Variants in PTPRA observed in about 807,000 individuals in gnomAD.
PTPRA encodes protein tyrosine phosphatase receptor type A, also known as receptor-type tyrosine-protein phosphatase alpha.
A neutral mutation model predicts 104.8 loss-of-function variants in PTPRA; 25 were observed. The observed-to-expected ratio is 0.24, with a 90% CI of 0.17 to 0.33. PTPRA has a LOEUF of 0.33. Among genes scored for constraint, PTPRA ranks in the 10% least tolerant of loss-of-function variants. PTPRA has a pLI of 1.00. For synonymous variants in PTPRA, 323 were observed against 368.9 expected, an observed-to-expected ratio of 0.88 and a Z score of 1.43; for missense variants, 765 against 1,015.3, an observed-to-expected ratio of 0.75 and a Z score of 3.35.
intron 1 of PTPRA, among the ~76,000 whole-genome samples, chr20:2,918,034 G>C (rs1291410917): frequency 1.4e-5 from 2 of 146,824 alleles, no homozygotes; most frequent in Non-Finnish European, 1.5e-5. Flanking sequence ...GTTTCAGTGA[G>C]CCGAGATTGC....
At chr20:3,020,174 T>C (rs2064786215) in intron 13 of PTPRA, among the ~76,000 whole-genome samples, 1 of 151,404 alleles carries the variant, frequency 6.6e-6, no homozygotes, top group Non-Finnish European at 1.5e-5. Flanking sequence ...AGTGGTGCCA[T>C]CTCGGCTCAC....
chr20:2,930,806 G>T (rs900281915), intron 2 of PTPRA, among the ~76,000 whole-genome samples: 2 of 152,038 alleles, frequency 1.3e-5, no homozygotes, highest in East Asian at 1.9e-4. Flanking sequence ...TCCAAATAAG[G>T]TCACATCCTA....
chr20:2,896,536 TTCTC>T (rs1428182131), intron 1 of PTPRA, among the ~76,000 whole-genome samples: 1 of 152,212 alleles, frequency 6.6e-6, no homozygotes, highest in Admixed American at 6.5e-5. Flanking sequence ...CGTCTTCTCT[TTCTC>T]ACTTCACCCA....
At chr20:3,027,668 T>G in intron 19 of PTPRA, 39 bp from the exon 20 acceptor site, 1 of 1,606,046 alleles carries the variant, frequency 6.2e-7, no homozygotes, top group Non-Finnish European at 8.5e-7. Flanking sequence ...CCTCTGTGAT[T>G]AAACCATCTC....
chr20:2,891,205 C>T (rs2058777303), intron 1 of PTPRA, among the ~76,000 whole-genome samples: 1 of 152,218 alleles, frequency 6.6e-6, no homozygotes, highest in African/African-American at 2.4e-5. Flanking sequence ...GGCTGCTTCT[C>T]ACCTAGATGA....
chr20:2,864,381 G>A, the PTPRA span: 69 of 1,614,070 alleles, frequency 4.3e-5, no homozygotes, highest in Non-Finnish European at 5.3e-5. This position sits in a 1 kb window ranked among gnomAD's most constrained non-coding sequence, Gnocchi z 5.2. Flanking sequence ...CGGTGTTGCT[G>A]CACCTGAAGA....
chr20:3,022,360 A>G lies in PTPRA; in HGVS notation c.1328+140A>G. ...TGGGGCACCAGCGCAACAGCCAGAG[A>G]CTCCAAGTTCTAGTGCAGGGTGGAG... is the stretch of plus-strand genomic sequence containing the variant. On this transcript the variant is annotated intron_variant, in intron 15 of 23. Coordinates refer to ENST00000399903, the MANE Select transcript of PTPRA (RefSeq NM_001385305.1). This position sits in a 1 kb window ranked among gnomAD's most constrained non-coding sequence, Gnocchi z 4.6. 3.5e-6 allele frequency: 4 copies of G among 1,135,412 alleles called. No individual in the cohort carries two copies. Among genetic ancestry groups the G allele is most frequent in the Middle Eastern group, 2.6e-4 (1 of 3,838 alleles). 70.3% of individuals were successfully genotyped at this position (1,135,412 alleles called of 1,614,324 possible). A position where few individuals can be genotyped will look rare whatever the true frequency, so the allele number is the denominator to read the frequency against.
At chr20:2,957,089 TC>T (rs1457305958) in intron 3 of PTPRA, among the ~76,000 whole-genome samples, 1 of 152,078 alleles carries the variant, frequency 6.6e-6, no homozygotes, top group Non-Finnish European at 1.5e-5. Context: ...ATCGAGACCA[TC>T]CTGGCCAACA....
At chr20:2,983,423 T>TA (rs2062769527) in intron 6 of PTPRA, among the ~76,000 whole-genome samples, 1 of 152,036 alleles carries the variant, frequency 6.6e-6, no homozygotes, top group African/African-American at 2.4e-5. Flanking sequence ...TGGAGGGTTT[T>TA]ACCTAAGAGT....
intron 7 of PTPRA, 55 bp from the exon 8 acceptor site, chr20:2,987,977 A>C (rs746234631): frequency 1.4e-6 from 2 of 1,443,188 alleles, no homozygotes; most frequent in South Asian, 2.3e-5. Context: ...CAGAGGTGTG[A>C]TTTGCCTCTC....
At chr20:2,979,413 C>T (rs941286950) in intron 6 of PTPRA, among the ~76,000 whole-genome samples, 6 of 152,170 alleles carry the variant, frequency 3.9e-5, no homozygotes, top group Non-Finnish European at 5.9e-5. Flanking sequence ...CTTTTCTATG[C>T]TGTCATATTT....
intron 6 of PTPRA, among the ~76,000 whole-genome samples, chr20:2,985,019 C>T (rs2062842942): frequency 1.3e-5 from 2 of 152,212 alleles, no homozygotes; most frequent in Admixed American, 1.3e-4. Flanking sequence ...ACAGTGTCTT[C>T]CTTCCTCCCC....
chr20:2,864,473 T>C, the PTPRA span: 43 of 1,614,102 alleles, frequency 2.7e-5, 1 homozygote, highest in South Asian at 4.3e-4. The surrounding 1 kb of genome is among the most constrained non-coding windows in gnomAD (Gnocchi z 5.2). Flanking sequence ...GTGTGTGTAG[T>C]GGGCAGGGTT....
chr20:3,010,197 T>G (rs1401909580), intron 11 of PTPRA, among the ~76,000 whole-genome samples: 2 of 151,802 alleles, frequency 1.3e-5, no homozygotes, highest in Non-Finnish European at 2.9e-5. Flanking sequence ...GGAGACCAGT[T>G]CTTGAGTTGG....
At chr20:2,904,877 G>A (rs1421731561) in intron 1 of PTPRA, among the ~76,000 whole-genome samples, 1 of 152,080 alleles carries the variant, frequency 6.6e-6, no homozygotes, top group African/African-American at 2.4e-5. Flanking sequence ...GTAACAGTGG[G>A]CTGTTTGGGG....
chr20:2,902,170 C>A (rs1247957517), intron 1 of PTPRA, among the ~76,000 whole-genome samples: 1 of 152,022 alleles, frequency 6.6e-6, no homozygotes, highest in Non-Finnish European at 1.5e-5. Context: ...CAGGTGTGAG[C>A]CACTGCGCCT....
Position 2,964,885 on chromosome 20 carries a change from G to A in PTPRA, c.98G>A (p.Arg33Lys). ...TTVAPSVGIT[R>K]LINSSTAEPV... ...GTTGCACCTTCTGTAGGAATTACAAGATTAATTAACTCATCAACGGCAGAA... is the reference window on the plus strand; with the variant it reads ...GTTGCACCTTCTGTAGGAATTACAAAATTAATTAACTCATCAACGGCAGAA... Residue 33 changes from arginine (R) to lysine (K), a missense_variant, in exon 5 of 24, where the codon AGA (arginine) becomes AAA (lysine). Physicochemically the swap from Arg to Lys is conservative, Grantham distance 26 (BLOSUM62 2). Transcript: ENST00000399903. 1.2e-6 allele frequency: 2 copies of A among 1,613,640 alleles called. No homozygotes were observed. The highest frequency in any genetic ancestry group is 1.7e-6 in the Non-Finnish European group (2 of 1,179,666).
Position 3,019,098 on chromosome 20 carries a change from C to T in PTPRA, c.1041+1185C>T, listed in dbSNP as rs528763162. 2.2e-3 allele frequency among the ~76,000 whole-genome samples: 304 copies of T among 137,110 alleles called. 2 individuals carry two copies. The highest frequency in any genetic ancestry group is 7.8e-3 in the African/African-American group (280 of 35,936). 89.9% of individuals were successfully genotyped at this position (137,110 alleles called of 152,430 possible). A position where few individuals can be genotyped will look rare whatever the true frequency, so the allele number is the denominator to read the frequency against. On this transcript the variant is annotated intron_variant, in intron 13 of 23. Transcript: ENST00000399903. ...GGGGCTCCTCACTTCCCAGTAGGGG[C>T]GGCCGGGCAGAGGCGCCCCTCACCT...
intron 3 of PTPRA, among the ~76,000 whole-genome samples, chr20:2,954,520 G>A (rs1024995643): frequency 1.8e-4 from 28 of 152,164 alleles, no homozygotes; most frequent in African/African-American, 6.5e-4. Context: ...ACCACACCTG[G>A]CCCCTTTGCC....
Sources: allele counts gnomAD v4.1 joint callset (sites outside exome capture counted in the v4.1 genomes callset), GRCh38; gene constraint gnomAD v4.1.1; non-coding constraint Gnocchi (gnomAD v3.1); transcripts MANE v1.5; gene names NCBI Gene and HGNC (gene_info 2026-07-23, HGNC 2026-07-21).